INO80D: variants seen among roughly 807,000 people sequenced by gnomAD.
INO80D encodes INO80 complex subunit D.
In INO80D, 21 loss-of-function variants were observed where a neutral mutation model predicts 87.6. The ratio of observed to expected loss-of-function variants is 0.24; its 90% CI spans 0.17 to 0.35. INO80D has a LOEUF of 0.35. INO80D is among the 10% of genes least tolerant of loss of function. The pLI, the probability that INO80D is intolerant of heterozygous loss-of-function variation, is 1.00. For synonymous variants in INO80D, 440 were observed against 491.0 expected, an observed-to-expected ratio of 0.90 and a Z score of 1.37; for missense variants, 982 against 1,280.7, an observed-to-expected ratio of 0.77 and a Z score of 3.56.
In INO80D at chr2:206,056,283, G is replaced by T; in HGVS notation, c.879C>A (p.His293Gln). The change falls in exon 4 of 11, where the codon CAC (histidine) becomes CAA (glutamine). Residue 293 changes from histidine to glutamine, a missense_variant. Coordinates refer to ENST00000403263, the MANE Select transcript of INO80D (RefSeq NM_017759.5). ...ILMKATAFSP[H>Q]FSCISRLQRL... ...TCTGCAGTCGGCTTATACATGAGAA[G>T]TGTGGAGAGAAGGCTGTGGCTTTCA... The T allele has an allele frequency of 5.6e-6, 9 of 1,614,004 alleles. No individual in the cohort carries two copies. Among genetic ancestry groups the T allele is most frequent in the Non-Finnish European group, 7.6e-6 (9 of 1,179,876 alleles).
chr2:206,056,969 A>C (rs1156729282), intron 3 of INO80D, 26 bp from the exon 4 acceptor site: 1 of 1,536,052 alleles, frequency 6.5e-7, no homozygotes, highest in Non-Finnish European at 8.8e-7. Context: ...ATACATGGGA[A>C]AACAGTCATG....
At position 206,085,248 on chromosome 2, in the gene INO80D, GCCCGCCCCGC is replaced by G. The variant is rs915494544; in HGVS notation, c.-124+643_-124+652del. On this transcript the variant is annotated intron_variant, in intron 1 of 10. Transcript: ENST00000403263. The surrounding 1 kb of genome is among the most constrained non-coding windows in gnomAD (Gnocchi z 4.5). ...CACCCGACCCCACGCCCGCCAGGCC[GCCCGCCCCGC>G]CCCGCCCCGGCCTGGCCGTCCGGAG... Among the ~76,000 whole-genome samples, 1 of 151,808 alleles carries G rather than the reference GCCCGCCCCGC, an allele frequency of 6.6e-6. No homozygotes were observed. The highest frequency in any genetic ancestry group is 1.5e-5 in the Non-Finnish European group (1 of 67,824).
At chr2:206,045,156 C>T (rs1689162352) in intron 5 of INO80D, among the ~76,000 whole-genome samples, 1 of 152,210 alleles carries the variant, frequency 6.6e-6, no homozygotes, top group South Asian at 2.1e-4. Context: ...ACCCTACTTG[C>T]TCTAATTCCA....
At chr2:206,010,415 A>C (rs968040866) in intron 8 of INO80D, among the ~76,000 whole-genome samples, 20 of 152,322 alleles carry the variant, frequency 1.3e-4, no homozygotes, top group Admixed American at 9.2e-4. Context: ...GTATATAAAA[A>C]TCTATGTCTA....
intron 5 of INO80D, among the ~76,000 whole-genome samples, chr2:206,037,051 G>T (rs778889767): frequency 6.6e-6 from 1 of 152,120 alleles, no homozygotes; most frequent in Non-Finnish European, 1.5e-5. Flanking sequence ...CCTTCATTTA[G>T]CAGTGACAAA....
chr2:206,064,600 A>G (rs1438527583), intron 1 of INO80D, among the ~76,000 whole-genome samples: 1 of 152,234 alleles, frequency 6.6e-6, no homozygotes, highest in East Asian at 1.9e-4. Flanking sequence ...TAAAACAGGG[A>G]TAATAATAGT....
chr2:206,067,367 G>C (rs1307440648), intron 1 of INO80D, among the ~76,000 whole-genome samples: 3 of 152,104 alleles, frequency 2.0e-5, no homozygotes, highest in African/African-American at 7.2e-5. Context: ...ATTATGGCTA[G>C]ATGGGAGGAA....
intron 5 of INO80D, among the ~76,000 whole-genome samples, chr2:206,042,217 T>C: frequency 6.6e-6 from 1 of 152,072 alleles, no homozygotes; most frequent in East Asian, 1.9e-4. Context: ...GAGGGAAGTG[T>C]ATAACATGAA....
chr2:206,084,240 T>TACAC (rs111836331), intron 1 of INO80D, among the ~76,000 whole-genome samples: 2,350 of 135,092 alleles, frequency 0.017, 27 homozygotes, highest in South Asian at 0.034. Context: ...ATGTTATACA[T>TACAC]ACACACACAC....
chr2:206,065,676 A>C (rs1689796036), intron 1 of INO80D, among the ~76,000 whole-genome samples: 1 of 152,214 alleles, frequency 6.6e-6, no homozygotes, highest in African/African-American at 2.4e-5. Flanking sequence ...TATAAGAAAC[A>C]AACATCTCAA....
chr2:206,019,705 CA>C lies in INO80D; in HGVS notation c.1408+30del, dbSNP rs540841939. The C allele has an allele frequency of 3.3e-4, 507 of 1,550,190 alleles. 1 individual carries two copies. The African/African-American group carries it at 6.3e-3, about 19-fold the overall frequency. The stretch of plus-strand genomic sequence containing the variant: ...AGCCCCAAATTAGGTAGTACTTTTT[CA>C]ATGCACATTCCATTTAGTTGAAAGG... On this transcript the variant is annotated intron_variant, in intron 7 of 10. Transcript: ENST00000403263.
chr2:206,035,338 A>C (rs908642272), intron 5 of INO80D, among the ~76,000 whole-genome samples: 1 of 152,092 alleles, frequency 6.6e-6, no homozygotes, highest in Non-Finnish European at 1.5e-5. Context: ...CTGATTTCAA[A>C]CTATACTATA....
intron 10 of INO80D, among the ~76,000 whole-genome samples, chr2:206,005,859 G>A (rs1688009709): frequency 1.3e-5 from 2 of 152,138 alleles, no homozygotes; most frequent in South Asian, 4.1e-4. Context: ...GATTATACGT[G>A]TTTTTAACCT....
At chr2:206,046,467 CA>C (rs34828561) in intron 5 of INO80D, 36 bp downstream of exon 5, 592 of 1,104,356 alleles carry the variant, frequency 5.4e-4, no homozygotes, top group Admixed American at 6.3e-4. Flanking sequence ...GACTCCGTCT[CA>C]AAAAAAAAAG....
chr2:206,016,022 C>T (rs1688309668), intron 8 of INO80D, among the ~76,000 whole-genome samples: 1 of 152,214 alleles, frequency 6.6e-6, no homozygotes, highest in Non-Finnish European at 1.5e-5. Context: ...AGAGTCCCTA[C>T]TGGGACACCA....
At chr2:206,023,753 C>T (rs1189294451) in intron 6 of INO80D, among the ~76,000 whole-genome samples, 2 of 151,406 alleles carry the variant, frequency 1.3e-5, no homozygotes, top group African/African-American at 2.4e-5. Context: ...TGATTATCAG[C>T]GATGCACTGG....
intron 5 of INO80D, among the ~76,000 whole-genome samples, chr2:206,033,506 T>A (rs1688820743): frequency 6.6e-6 from 1 of 152,070 alleles, no homozygotes; most frequent in East Asian, 1.9e-4. Context: ...AAAAACACAA[T>A]CAAGATGGAA....
At chr2:206,029,577 T>C (rs1256006695) in intron 5 of INO80D, among the ~76,000 whole-genome samples, 1 of 151,298 alleles carries the variant, frequency 6.6e-6, no homozygotes, top group Non-Finnish European at 1.5e-5. Flanking sequence ...GCTGGGTTTC[T>C]CTTAAGTGAT....
At chr2:206,054,867 A>C (rs1029013253) in intron 4 of INO80D, among the ~76,000 whole-genome samples, 1 of 152,180 alleles carries the variant, frequency 6.6e-6, no homozygotes, top group African/African-American at 2.4e-5. Flanking sequence ...GCTGGTCTCA[A>C]ACCTCTGGCT....
Sources: gnomAD v4.1 joint callset for allele counts (sites outside exome capture counted in the v4.1 genomes callset) on GRCh38, gnomAD v4.1.1 for gene constraint, Gnocchi (gnomAD v3.1) non-coding constraint, MANE v1.5 for transcripts, NCBI Gene and HGNC (gene_info 2026-07-23, HGNC 2026-07-21) for gene names.